The following MGMT variants were observed in gnomAD, a reference collection of about 807,000 sequenced individuals.
The protein encoded by MGMT is O-6-methylguanine-DNA methyltransferase, also known as methylated-DNA--protein-cysteine methyltransferase.
A neutral mutation model predicts 15.9 loss-of-function variants in MGMT; 14 were observed. The ratio of observed to expected loss-of-function variants is 0.88; its 90% CI spans 0.58 to 1.37. MGMT has a LOEUF of 1.37. Among genes scored for constraint, MGMT ranks in the 40% most tolerant of loss-of-function variants. MGMT has a pLI of 0.00. For missense variants in MGMT, 282 were observed against 268.1 expected, an observed-to-expected ratio of 1.05 and a Z score of -0.36; for synonymous variants, 130 against 118.2, an observed-to-expected ratio of 1.10 and a Z score of -0.65.
chr10:129,553,224 A>G (rs1250588600), intron 2 of MGMT, among the ~76,000 whole-genome samples: 1 of 152,252 alleles, frequency 6.6e-6, no homozygotes, highest in Non-Finnish European at 1.5e-5. Flanking sequence ...GGAGACTAGT[A>G]TAATTTCTAG....
chr10:129,680,419 T>C (rs910157738), intron 2 of MGMT, among the ~76,000 whole-genome samples: 5 of 152,114 alleles, frequency 3.3e-5, no homozygotes, highest in African/African-American at 4.8e-5. Flanking sequence ...AACCACCTTC[T>C]CCTAGGCATC....
chr10:129,613,687 C>T (rs1420084916), intron 2 of MGMT, among the ~76,000 whole-genome samples: 1 of 152,220 alleles, frequency 6.6e-6, no homozygotes, highest in Admixed American at 6.5e-5. Context: ...GCCTCCCTTC[C>T]TGGGATGCAC....
intron 2 of MGMT, among the ~76,000 whole-genome samples, chr10:129,604,773 G>A (rs1554917430): frequency 7.1e-6 from 1 of 141,004 alleles, no homozygotes; most frequent in Non-Finnish European, 1.5e-5. Context: ...TGACCTCAAG[G>A]CCTTTTATCA....
intron 2 of MGMT, among the ~76,000 whole-genome samples, chr10:129,676,235 C>A (rs1011712426): frequency 5.9e-5 from 9 of 152,194 alleles, no homozygotes; most frequent in African/African-American, 1.9e-4. Flanking sequence ...TCCTTCACTT[C>A]CTCTTCCCTG....
In MGMT at chr10:129,552,656, G is replaced by A. The variant is rs570319500; in HGVS notation, c.125+16279G>A. On this transcript the variant is annotated intron_variant, in intron 2 of 4. Transcript: ENST00000651593. ...TTAGCGGGAGACATGTTTGGCCAGC[G>A]GTGAAAGACTGCCTTGCCCGAGTTC... Among the ~76,000 whole-genome samples, 15 of 152,316 alleles carry A rather than the reference G, an allele frequency of 9.8e-5. No individual in the cohort carries two copies. The South Asian group carries it at 2.1e-3, about 21-fold the overall frequency.
At chr10:129,579,056 A>G (rs972046145) in intron 2 of MGMT, among the ~76,000 whole-genome samples, 2 of 152,214 alleles carry the variant, frequency 1.3e-5, no homozygotes, top group Non-Finnish European at 2.9e-5. Flanking sequence ...GAGGGCTGAA[A>G]CTTACTGGGA....
intron 1 of MGMT, among the ~76,000 whole-genome samples, chr10:129,518,006 C>T (rs1248386324): frequency 6.6e-6 from 1 of 152,024 alleles, no homozygotes; most frequent in Non-Finnish European, 1.5e-5. Flanking sequence ...GGAGATATTT[C>T]GCACCTCTGT....
At position 129,518,325 on chromosome 10, in the gene MGMT, G is replaced by GAC. The variant is rs1293188269; in HGVS notation, c.-12-17915_-12-17914insCA. Among the ~76,000 whole-genome samples the GAC allele has an allele frequency of 1.4e-3, 125 of 88,104 alleles. 2 individuals are homozygous for GAC. Among genetic ancestry groups the GAC allele is most frequent in the African/African-American group, 5.0e-3 (112 of 22,430 alleles). 57.8% of individuals were successfully genotyped at this position (88,104 alleles called of 152,430 possible). A position where few individuals can be genotyped will look rare whatever the true frequency, so the allele number is the denominator to read the frequency against. ...GAAAATTCTAAATGATGTGTGTACA[G>GAC]ATACACACACATACACACACACACA... is the stretch of plus-strand genomic sequence containing the variant. On this transcript the variant is annotated intron_variant, in intron 1 of 4. Transcript: ENST00000651593.
intron 1 of MGMT, among the ~76,000 whole-genome samples, chr10:129,515,925 AT>A (rs1484857606): frequency 6.6e-6 from 1 of 152,190 alleles, no homozygotes; most frequent in African/African-American, 2.4e-5. Context: ...GGTCTGTTTT[AT>A]TTTTTATTTT....
chr10:129,695,533 T>C (rs1000385720), intron 2 of MGMT, among the ~76,000 whole-genome samples: 1 of 152,204 alleles, frequency 6.6e-6, no homozygotes, highest in Admixed American at 6.5e-5. Context: ...TTAGTTATGA[T>C]TGTTAAATTT....
intron 3 of MGMT, among the ~76,000 whole-genome samples, chr10:129,713,741 G>C (rs1358815327): frequency 6.6e-6 from 1 of 152,062 alleles, no homozygotes; most frequent in Non-Finnish European, 1.5e-5. Context: ...GTGGTGAGGG[G>C]TCTTCTGAGC....
chr10:129,631,788 T>C (rs1847212467), intron 2 of MGMT, among the ~76,000 whole-genome samples: 1 of 152,224 alleles, frequency 6.6e-6, no homozygotes, highest in African/African-American at 2.4e-5. Flanking sequence ...CACAGCACTG[T>C]ACCCCAGCCT....
chr10:129,483,819 G>A (rs1474521847), intron 1 of MGMT, among the ~76,000 whole-genome samples: 3 of 151,678 alleles, frequency 2.0e-5, no homozygotes, highest in African/African-American at 4.9e-5. Flanking sequence ...GACTAGAAGT[G>A]TTTCTGATTT....
At chr10:129,490,559 T>A (rs943335799) in intron 1 of MGMT, among the ~76,000 whole-genome samples, 1 of 151,736 alleles carries the variant, frequency 6.6e-6, no homozygotes, top group Non-Finnish European at 1.5e-5. Context: ...GCTATATTTT[T>A]GCACAGTCTA....
chr10:129,561,733 T>A (rs1846281494), intron 2 of MGMT, among the ~76,000 whole-genome samples: 1 of 152,226 alleles, frequency 6.6e-6, no homozygotes, highest in Non-Finnish European at 1.5e-5. Context: ...GTTACCATTC[T>A]CTTTCCTTAT....
At chr10:129,669,015 A>G (rs970845509) in intron 2 of MGMT, among the ~76,000 whole-genome samples, 3 of 152,174 alleles carry the variant, frequency 2.0e-5, no homozygotes, top group Non-Finnish European at 4.4e-5. Flanking sequence ...GAATATTTAA[A>G]TATATATAAT....
intron 3 of MGMT, among the ~76,000 whole-genome samples, chr10:129,752,843 C>T (rs540380908): frequency 8.5e-5 from 13 of 152,184 alleles, no homozygotes; most frequent in Admixed American, 5.9e-4. Context: ...TCTTGAAAAA[C>T]TTGAGGAAAA....
intron 1 of MGMT, among the ~76,000 whole-genome samples, chr10:129,483,367 TTG>T (rs1845378126): frequency 6.6e-6 from 1 of 152,168 alleles, no homozygotes; most frequent in South Asian, 2.1e-4. Flanking sequence ...CCTCATTCCT[TTG>T]TGTAGATCCT....
At chr10:129,675,312 G>C (rs1482892423) in intron 2 of MGMT, among the ~76,000 whole-genome samples, 1 of 152,182 alleles carries the variant, frequency 6.6e-6, no homozygotes, top group Non-Finnish European at 1.5e-5. Context: ...ATTTGGAGAG[G>C]TTAGGCAGAT....
Sources: gnomAD v4.1 joint callset for allele counts (sites outside exome capture counted in the v4.1 genomes callset) on GRCh38, gnomAD v4.1.1 for gene constraint, MANE v1.5 for transcripts, NCBI Gene and HGNC (gene_info 2026-07-23, HGNC 2026-07-21) for gene names.